Variants in CALN1 observed in about 807,000 individuals in gnomAD.
The protein encoded by CALN1 is calcium-binding protein 8.
Under a neutral mutation model 30.6 loss-of-function variants are expected in CALN1, and 17 were observed. The observed-to-expected ratio is 0.56, with a 90% CI of 0.38 to 0.83. The LOEUF is 0.83. CALN1 is among the 40% of genes least tolerant of loss of function. The pLI, the probability that CALN1 is intolerant of heterozygous loss-of-function variation, is 0.00. For missense variants in CALN1, 291 were observed against 354.9 expected, an observed-to-expected ratio of 0.82 and a Z score of 1.45; for synonymous variants, 156 against 131.4, an observed-to-expected ratio of 1.19 and a Z score of -1.28.
intron 1 of CALN1, among the ~76,000 whole-genome samples, chr7:72,433,156 A>G (rs545476999): frequency 6.6e-6 from 1 of 152,290 alleles, no homozygotes; most frequent in East Asian, 1.9e-4. Context: ...CAAGGGGGAA[A>G]GGAACCTGCC....
intron 2 of CALN1, among the ~76,000 whole-genome samples, chr7:72,297,502 C>G (rs1201930436): frequency 6.6e-6 from 1 of 152,092 alleles, no homozygotes; most frequent in Non-Finnish European, 1.5e-5. Flanking sequence ...TTTTAAAACA[C>G]TGGTTAAATG....
intron 4 of CALN1, among the ~76,000 whole-genome samples, chr7:72,077,034 G>A (rs113917210): frequency 5.1e-4 from 77 of 151,846 alleles, no homozygotes; most frequent in African/African-American, 1.8e-3. Context: ...CAAAACCAAG[G>A]GAGAAGTATT....
intron 3 of CALN1, among the ~76,000 whole-genome samples, chr7:72,119,180 C>T (rs1477368356): frequency 6.6e-6 from 1 of 152,102 alleles, no homozygotes; most frequent in East Asian, 1.9e-4. Context: ...TAAAGACATA[C>T]CCAAGACTGA....
At chr7:71,803,727 G>A (rs774814548) in intron 6 of CALN1, among the ~76,000 whole-genome samples, 5 of 151,980 alleles carry the variant, frequency 3.3e-5, no homozygotes, top group South Asian at 2.1e-4. Flanking sequence ...CTCCCACCTC[G>A]GCCTCCCAAA....
At chr7:71,994,929 T>G (rs10264324) in intron 5 of CALN1, among the ~76,000 whole-genome samples, 8,582 of 149,844 alleles carry the variant, frequency 0.057, 770 homozygotes, top group African/African-American at 0.2. Context: ...CTCAGCTCAC[T>G]GCAGGCTCCG....
chr7:72,251,275 T>C (rs1315772421), intron 3 of CALN1, among the ~76,000 whole-genome samples: 1 of 152,192 alleles, frequency 6.6e-6, no homozygotes, highest in Non-Finnish European at 1.5e-5. Flanking sequence ...CAGGATTTTT[T>C]TCATTCTGCC....
intron 3 of CALN1, among the ~76,000 whole-genome samples, chr7:72,228,739 ATATTTATTTATTTATTTATTTATT>A (rs112888645): frequency 2.0e-5 from 3 of 149,252 alleles, no homozygotes; most frequent in Admixed American, 6.7e-5. Flanking sequence ...CCTTATTTAT[ATATTTATTTATTTATTTATTTATT>A]TATTTATTTA....
intron 6 of CALN1, among the ~76,000 whole-genome samples, chr7:71,802,140 G>A (rs964026433): frequency 3.9e-5 from 6 of 152,094 alleles, no homozygotes; most frequent in African/African-American, 1.4e-4. Flanking sequence ...AAACATCCTG[G>A]AAGCAAGCAC....
At chr7:71,834,019 C>A (rs1237818784) in intron 5 of CALN1, among the ~76,000 whole-genome samples, 1 of 151,828 alleles carries the variant, frequency 6.6e-6, no homozygotes, top group Non-Finnish European at 1.5e-5. Context: ...GTCAGGAGAT[C>A]GAGACCATCC....
At chr7:72,383,454 A>C (rs1184226690) in intron 2 of CALN1, among the ~76,000 whole-genome samples, 1 of 151,938 alleles carries the variant, frequency 6.6e-6, no homozygotes, top group Non-Finnish European at 1.5e-5. Flanking sequence ...TAGTGTGAGG[A>C]GGTATCTCAT....
chr7:72,065,661 C>T (rs1158049372), intron 4 of CALN1, among the ~76,000 whole-genome samples: 3 of 152,074 alleles, frequency 2.0e-5, no homozygotes, highest in Non-Finnish European at 4.4e-5. Flanking sequence ...CCGAACCCCA[C>T]GCTTCATCTG....
chr7:72,450,756 TG>T, upstream of CALN1, among the ~76,000 whole-genome samples: 1 of 152,254 alleles, frequency 6.6e-6, no homozygotes, highest in East Asian at 1.9e-4. Flanking sequence ...GGTGCATGCC[TG>T]TAATCCCAGC....
intron 3 of CALN1, among the ~76,000 whole-genome samples, chr7:72,144,731 C>A (rs974127504): frequency 6.6e-6 from 1 of 152,208 alleles, no homozygotes; most frequent in Non-Finnish European, 1.5e-5. Flanking sequence ...AAGTAAAGCA[C>A]TCCTCAGCAA....
intron 5 of CALN1, among the ~76,000 whole-genome samples, chr7:71,929,986 C>T (rs1365407395): frequency 1.3e-5 from 2 of 152,136 alleles, no homozygotes; most frequent in African/African-American, 2.4e-5. Flanking sequence ...AAAATGATGT[C>T]GTATTTGCAT....
chr7:71,805,985 A>G (rs1166578330), intron 6 of CALN1, among the ~76,000 whole-genome samples: 2 of 152,214 alleles, frequency 1.3e-5, no homozygotes, highest in Non-Finnish European at 2.9e-5. Context: ...CTAACACAGG[A>G]GCAGAAAACC....
chr7:71,886,739 C>T (rs1401015871), intron 5 of CALN1, among the ~76,000 whole-genome samples: 1 of 148,004 alleles, frequency 6.8e-6, no homozygotes, highest in African/African-American at 2.5e-5. Flanking sequence ...CACCACTGCA[C>T]TCCAGCCTGG....
chr7:71,824,441 G>C (rs890277295), intron 5 of CALN1, among the ~76,000 whole-genome samples: 2 of 152,084 alleles, frequency 1.3e-5, no homozygotes, highest in African/African-American at 4.8e-5. Context: ...CCTCAGGGGT[G>C]CCTGAGTCCC....
intron 5 of CALN1, among the ~76,000 whole-genome samples, chr7:71,987,945 TC>T (rs944511656): frequency 6.6e-6 from 1 of 151,992 alleles, no homozygotes; most frequent in Non-Finnish European, 1.5e-5. Context: ...ATCCAGCGGG[TC>T]CAGGGACACA....
chr7:71,873,505 G>A (rs957075542), intron 5 of CALN1, among the ~76,000 whole-genome samples: 1 of 152,228 alleles, frequency 6.6e-6, no homozygotes, highest in South Asian at 2.1e-4. Context: ...GTTTTCCTCT[G>A]AGTCCAATGT....
Sources: gnomAD v4.1 joint callset for allele counts (sites outside exome capture counted in the v4.1 genomes callset) on GRCh38, gnomAD v4.1.1 for gene constraint, MANE v1.5 for transcripts, NCBI Gene and HGNC (gene_info 2026-07-23, HGNC 2026-07-21) for gene names.